Variants in KLK9 observed in about 807,000 individuals in gnomAD.
KLK9 encodes kallikrein-9.
Under a neutral mutation model 23.3 loss-of-function variants are expected in KLK9, and 26 were observed. That is an observed-to-expected ratio of 1.12 (90% confidence interval 0.82 to 1.55). The LOEUF is 1.55. Among genes scored for constraint, KLK9 ranks in the 40% most tolerant of loss-of-function variants. The pLI, the probability that KLK9 is intolerant of heterozygous loss-of-function variation, is 0.00. For missense variants in KLK9, 346 were observed against 333.7 expected, an observed-to-expected ratio of 1.04 and a Z score of -0.29; for synonymous variants, 122 against 128.5, an observed-to-expected ratio of 0.95 and a Z score of 0.34.
In KLK9 at chr19:51,004,703, T is replaced by TAA. The variant is rs35720453; in HGVS notation, c.467-865_467-864dup. ...GCAACAAGAGCAAGACTCAGTCTCT[T>TAA]AAAAAAAAAAAAAAAAGAAATAGAA... On this transcript the variant is annotated intron_variant, in intron 3 of 4. Transcript: ENST00000594211. Among the ~76,000 whole-genome samples the TAA allele has an allele frequency of 3.7e-3, 462 of 126,228 alleles. 2 individuals are homozygous for TAA. Among genetic ancestry groups the TAA allele is most frequent in the African/African-American group, 4.4e-3 (150 of 33,872 alleles). The allele number at this position is 126,228 out of a possible 152,430, so 82.8% of individuals were successfully genotyped here.
chr19:51,003,220 G>A lies in KLK9; in HGVS notation c.644C>T (p.Ala215Val). 6.2e-7 allele frequency: 1 copy of A among 1,613,018 alleles called. No individual in the cohort carries two copies. Among genetic ancestry groups the A allele is most frequent in the South Asian group, 1.1e-5 (1 of 90,920 alleles). Residue 215 changes from alanine (A) to valine (V), a missense_variant, in exon 5 of 5, where the codon GCA becomes GTA. Ala to Val is a moderately conservative substitution (Grantham distance 64). Coordinates refer to ENST00000594211, the MANE Select transcript of KLK9 (RefSeq NM_012315.2). ...GGPLVCNGTL[A>V]GVVSGGAEPC... ...CTCAGCACCCCCAGACACCACGCCT[G>A]CCAAGGTTCCATTGCAAACCAGGGG... is the stretch of plus-strand genomic sequence containing the variant.
Position 51,009,347 on chromosome 19 carries a change from G to T in KLK9, c.44-8C>A. 6.4e-7 allele frequency: 1 copy of T among 1,572,722 alleles called. No individual in the cohort carries two copies. The stretch of plus-strand genomic sequence containing the variant: ...TGTCTGCCCAGCCATGCCCTGGGGT[G>T]GGGATGAGGGACAAAGGGGTCAGCG... On this transcript the variant is annotated splice_polypyrimidine_tract_variant and splice_region_variant and intron_variant, in intron 1 of 4. Transcript: ENST00000594211. This position sits in a 1 kb window ranked among gnomAD's most constrained non-coding sequence, Gnocchi z 4.8.
intron 2 of KLK9, among the ~76,000 whole-genome samples, chr19:51,007,660 A>C (rs901509206): frequency 2.0e-5 from 3 of 151,884 alleles, no homozygotes; most frequent in African/African-American, 7.2e-5. Context: ...AAGTTAAAGG[A>C]GGTTCCATCA....
At chr19:51,004,183 T>C (rs986688463) in intron 3 of KLK9, among the ~76,000 whole-genome samples, 4 of 150,454 alleles carry the variant, frequency 2.7e-5, no homozygotes, top group African/African-American at 9.8e-5. Flanking sequence ...CTGCTAAATA[T>C]ACAAAAATTA....
chr19:51,006,408 C>G lies in KLK9; in HGVS notation c.466+50G>C, dbSNP rs918556981. 2.0e-6 allele frequency: 3 copies of G among 1,503,448 alleles called. No individual in the cohort carries two copies. In the Admixed American group the frequency reaches 6.4e-5, roughly 32 times the overall value. 93.1% of individuals were successfully genotyped at this position (1,503,448 alleles called of 1,614,324 possible). A position where few individuals can be genotyped will look rare whatever the true frequency, so the allele number is the denominator to read the frequency against. Reference sequence around the variant, plus strand: ...GAAGACAGAGATGAAAAGGCAGAGACAGAGGGGTGAGGGAGCAAGTTTCAG... The same window carrying G: ...GAAGACAGAGATGAAAAGGCAGAGAGAGAGGGGTGAGGGAGCAAGTTTCAG... On this transcript the variant is annotated intron_variant, in intron 3 of 4. Transcript: ENST00000594211. This position sits in a 1 kb window ranked among gnomAD's most constrained non-coding sequence, Gnocchi z 4.1.
Position 51,003,695 on chromosome 19 carries a change from A to T in KLK9, c.603+9T>A. The T allele has an allele frequency of 6.2e-7, 1 of 1,607,332 alleles. No individual in the cohort carries two copies. On this transcript the variant is annotated intron_variant, in intron 4 of 4. Coordinates refer to ENST00000594211, the MANE Select transcript of KLK9 (RefSeq NM_012315.2). ...GGACAGCCTCATTTTCCCCAGAGTA[A>T]GGTCTCACCTGGCAGGAACCTCGGC...
chr19:51,002,796 A>G lies in KLK9; in HGVS notation c.*315T>C. 1 of 263,848 alleles carries G rather than the reference A, an allele frequency of 3.8e-6. No individual in the cohort carries two copies. The allele number at this position is 263,848 out of a possible 1,614,324, so 16.3% of individuals were successfully genotyped here. On this transcript the variant is annotated 3_prime_UTR_variant, in exon 5 of 5. Transcript: ENST00000594211. ...GGGCAAAGTTCCGAGGGGCGGAGCT[A>G]TTTTGTGTAAGTGGTTCCTTGGGGC... is the stretch of plus-strand genomic sequence containing the variant.
chr19:51,002,857 A>G lies in KLK9; in HGVS notation c.*254T>C. ...GCTGTGCTGTTCCAAGAAGGAGGTG[A>G]TGGCTGTCGGTGACGTCATAGAGAC... On this transcript the variant is annotated 3_prime_UTR_variant, in exon 5 of 5. Coordinates refer to ENST00000594211, the MANE Select transcript of KLK9 (RefSeq NM_012315.2). 2 of 420,040 alleles carry G rather than the reference A, an allele frequency of 4.8e-6. No homozygotes were observed. The highest frequency in any genetic ancestry group is 8.4e-6 in the Non-Finnish European group (2 of 237,026). The allele number at this position is 420,040 out of a possible 1,614,324, so 26.0% of individuals were successfully genotyped here. A position where few individuals can be genotyped will look rare whatever the true frequency, so the allele number is the denominator to read the frequency against.
At chr19:51,005,113 G>A (rs1226896636) in intron 3 of KLK9, among the ~76,000 whole-genome samples, 1 of 152,186 alleles carries the variant, frequency 6.6e-6, no homozygotes, top group Non-Finnish European at 1.5e-5. Context: ...GGTGAATCCA[G>A]AAACCTGGCT....
chr19:51,005,264 G>A (rs888681084), intron 3 of KLK9, among the ~76,000 whole-genome samples: 2 of 152,128 alleles, frequency 1.3e-5, no homozygotes, highest in African/African-American at 4.8e-5. Context: ...TAAGATGAAC[G>A]CATTTCACAT....
intron 3 of KLK9, among the ~76,000 whole-genome samples, chr19:51,004,951 A>G (rs1259197677): frequency 1.3e-5 from 2 of 152,204 alleles, no homozygotes; most frequent in African/African-American, 2.4e-5. Context: ...ATTGGTAAAC[A>G]GAAGTCGGGG....
intron 3 of KLK9, among the ~76,000 whole-genome samples, chr19:51,004,407 T>A (rs2091248094): frequency 8.0e-6 from 1 of 125,028 alleles, no homozygotes; most frequent in Non-Finnish European, 1.6e-5. Context: ...GAAAGATGCA[T>A]GCAGAGAGCC....
At position 51,002,993 on chromosome 19, in the gene KLK9, G is replaced by C; in HGVS notation, c.*118C>G. 1 of 1,267,980 alleles carries C rather than the reference G, an allele frequency of 7.9e-7. No individual in the cohort carries two copies. Among genetic ancestry groups the C allele is most frequent in the South Asian group, 1.5e-5 (1 of 64,746 alleles). 78.5% of individuals were successfully genotyped at this position (1,267,980 alleles called of 1,614,324 possible). On this transcript the variant is annotated 3_prime_UTR_variant, in exon 5 of 5. Coordinates refer to ENST00000594211, the MANE Select transcript of KLK9 (RefSeq NM_012315.2). ...GCGGAGTCTTAGTGTCCAGAGGGGA[G>C]TCAGGGCAGCTGGAGGTCCAGGGCG... is the stretch of plus-strand genomic sequence containing the variant.
chr19:51,008,690 A>C (rs138056892), intron 2 of KLK9, among the ~76,000 whole-genome samples: 57 of 152,360 alleles, frequency 3.7e-4, no homozygotes, highest in African/African-American at 1.3e-3. Context: ...ACGTATTTAA[A>C]AATTGATTAC....
At chr19:51,004,375 A>AAAAAAAAAAAAAAC (rs2091247877) in intron 3 of KLK9, among the ~76,000 whole-genome samples, 1 of 139,762 alleles carries the variant, frequency 7.2e-6, no homozygotes, top group Non-Finnish European at 1.5e-5. Flanking sequence ...AAAAAAAAAA[A>AAAAAAAAAAAAAAC]AGAAAGGAAG....
chr19:51,003,655 C>A, intron 4 of KLK9, 49 bp downstream of exon 4: 1 of 1,556,314 alleles, frequency 6.4e-7, no homozygotes, highest in Admixed American at 1.8e-5. Flanking sequence ...CCCCTAAATC[C>A]TAGAAAACTT....
rs776182006 is a variant in KLK9, at chr19:51,006,617, G to A, written c.307C>T (p.Leu103Phe). 7 of 1,613,200 alleles carry A rather than the reference G, an allele frequency of 4.3e-6. No individual in the cohort carries two copies. Among genetic ancestry groups the A allele is most frequent in the Non-Finnish European group, 5.9e-6 (7 of 1,179,492 alleles). ...FFPHPGFNKD[L>F]SANDHNDDIM... The stretch of plus-strand genomic sequence containing the variant: ...TCATCATTGTGGTCATTGGCGCTGA[G>A]GTCCTTGTTGAAGCCAGGGTGGGGG... The change falls in exon 3 of 5, where the codon CTC becomes TTC. Residue 103 changes from leucine (L) to phenylalanine (F), a missense_variant. Coordinates refer to ENST00000594211, the MANE Select transcript of KLK9 (RefSeq NM_012315.2). This position sits in a 1 kb window ranked among gnomAD's most constrained non-coding sequence, Gnocchi z 4.1.
At chr19:51,005,404 G>T (rs2122359909) in intron 3 of KLK9, among the ~76,000 whole-genome samples, 1 of 152,208 alleles carries the variant, frequency 6.6e-6, no homozygotes, top group Admixed American at 6.5e-5. Flanking sequence ...AAAATTTTTA[G>T]CATAAGGCTT....
chr19:51,006,651 C>T lies in KLK9; in HGVS notation c.273G>A (p.Thr91=), dbSNP rs564135291. The T allele has an allele frequency of 1.6e-5, 25 of 1,612,890 alleles. No individual in the cohort carries two copies. In the South Asian group the frequency reaches 1.6e-4, roughly 11 times the overall value. The change falls in exon 3 of 5, where the codon ACG becomes ACA. Residue 91 remains threonine (T), a synonymous_variant. Coordinates refer to ENST00000594211, the MANE Select transcript of KLK9 (RefSeq NM_012315.2). This position sits in a 1 kb window ranked among gnomAD's most constrained non-coding sequence, Gnocchi z 4.1. ...TGAAGCCAGGGTGGGGGAAGAAGTCCGTAACCCGGAACAGCTGCTCCGGAC... is the reference window on the plus strand; with the variant it reads ...TGAAGCCAGGGTGGGGGAAGAAGTCTGTAACCCGGAACAGCTGCTCCGGAC... ...WEGPEQLFRV[T]DFFPHPGFNK... is the part of the protein sequence containing the mutation.
Sources: allele counts gnomAD v4.1 joint callset (sites outside exome capture counted in the v4.1 genomes callset), GRCh38; gene constraint gnomAD v4.1.1; non-coding constraint Gnocchi (gnomAD v3.1); transcripts MANE v1.5; gene names NCBI Gene and HGNC (gene_info 2026-07-23, HGNC 2026-07-21).